The following GPR137B variants were observed in gnomAD, a reference collection of about 807,000 sequenced individuals.
GPR137B encodes G protein-coupled receptor 137B, also known as integral membrane protein GPR137B.
Under a neutral mutation model 42.5 loss-of-function variants are expected in GPR137B, and 42 were observed. The observed-to-expected ratio is 0.99, with a 90% CI of 0.77 to 1.28. The LOEUF (loss-of-function observed/expected upper bound fraction) is 1.28. GPR137B is among the 50% of genes most tolerant of loss of function. The pLI is 0.00. For missense variants in GPR137B, 487 were observed against 493.9 expected, an observed-to-expected ratio of 0.99 and a Z score of 0.13; for synonymous variants, 218 against 209.7, an observed-to-expected ratio of 1.04 and a Z score of -0.34.
chr1:236,146,818 C>T (rs186851409), intron 1 of GPR137B, among the ~76,000 whole-genome samples: 281 of 152,264 alleles, frequency 1.8e-3, no homozygotes, highest in African/African-American at 6.0e-3. Context: ...TAGTCATACT[C>T]GGTAATTATT....
chr1:236,171,740 G>C lies in GPR137B; in HGVS notation c.464+2985G>C, dbSNP rs1662541914. On this transcript the variant is annotated intron_variant, in intron 2 of 6. Coordinates refer to ENST00000366592, the MANE Select transcript of GPR137B (RefSeq NM_003272.4). This position sits in a 1 kb window ranked among gnomAD's most constrained non-coding sequence, Gnocchi z 4.4. The stretch of plus-strand genomic sequence containing the variant: ...ATGGGGAGAAATAAATTTGGATCCA[G>C]ATGTTAAAAGTGAGATGTTTGGGAC... Among the ~76,000 whole-genome samples, 1 of 152,148 alleles carries C rather than the reference G, an allele frequency of 6.6e-6. No individual in the cohort carries two copies. The highest frequency in any genetic ancestry group is 1.5e-5 in the Non-Finnish European group (1 of 68,014).
chr1:236,178,726 G>T, intron 3 of GPR137B, 90 bp downstream of exon 3: 1 of 631,402 alleles, frequency 1.6e-6, no homozygotes, highest in South Asian at 1.7e-5. Flanking sequence ...ATGAATTTTA[G>T]ACTTGATTTT....
chr1:236,160,481 C>T (rs1662155223), intron 1 of GPR137B, among the ~76,000 whole-genome samples: 1 of 152,108 alleles, frequency 6.6e-6, no homozygotes, highest in Non-Finnish European at 1.5e-5. Flanking sequence ...TCTCAGCCCT[C>T]CACCCTTCCC....
chr1:236,202,504 G>A (rs1663521714), intron 5 of GPR137B, among the ~76,000 whole-genome samples: 1 of 152,016 alleles, frequency 6.6e-6, no homozygotes, highest in Admixed American at 6.5e-5. Context: ...TCCTGTGGTG[G>A]TTCCTGGAGC....
At chr1:236,172,074 A>C (rs989597003) in intron 2 of GPR137B, among the ~76,000 whole-genome samples, 1 of 151,622 alleles carries the variant, frequency 6.6e-6, no homozygotes, top group Non-Finnish European at 1.5e-5. Flanking sequence ...TGTTTAGGCC[A>C]GTGAAGTTGG....
In GPR137B at chr1:236,187,471, G is replaced by C. The variant is rs190118082; in HGVS notation, c.966+3565G>C. 1.5e-3 allele frequency among the ~76,000 whole-genome samples: 223 copies of C among 152,112 alleles called. 2 individuals carry two copies. The highest frequency in any genetic ancestry group is 5.2e-3 in the African/African-American group (214 of 41,494). On this transcript the variant is annotated intron_variant, in intron 5 of 6. Coordinates refer to ENST00000366592, the MANE Select transcript of GPR137B (RefSeq NM_003272.4). ...GGATTTTTATGGTTTTAGGTCTTAC[G>C]TTTAAGTCTTTAATCCATCTTGAGT... is the stretch of plus-strand genomic sequence containing the variant.
intron 2 of GPR137B, 79 bp from the exon 3 acceptor site, chr1:236,178,335 A>T: frequency 1.2e-6 from 1 of 816,614 alleles, no homozygotes; most frequent in Non-Finnish European, 2.1e-6. Context: ...TGCTTCTAGC[A>T]GTTCACCAAA....
intron 1 of GPR137B, among the ~76,000 whole-genome samples, chr1:236,160,594 C>A (rs1164027548): frequency 1.3e-5 from 2 of 152,210 alleles, no homozygotes; most frequent in African/African-American, 4.8e-5. Flanking sequence ...GGTCTGGACC[C>A]CCTGAATAAC....
chr1:236,204,539 C>T (rs1299037834), intron 5 of GPR137B, among the ~76,000 whole-genome samples: 1 of 152,060 alleles, frequency 6.6e-6, no homozygotes, highest in Non-Finnish European at 1.5e-5. Flanking sequence ...CTTTTCTTTA[C>T]TGGGAGACTT....
chr1:236,206,181 T>G (rs1399077324), intron 6 of GPR137B, among the ~76,000 whole-genome samples: 2 of 152,202 alleles, frequency 1.3e-5, no homozygotes, highest in Non-Finnish European at 2.9e-5. Flanking sequence ...TTCTAAGAGA[T>G]TCACAAATAT....
intron 1 of GPR137B, among the ~76,000 whole-genome samples, chr1:236,168,047 G>A (rs1571977790): frequency 2.6e-5 from 4 of 152,196 alleles, no homozygotes; most frequent in Non-Finnish European, 5.9e-5. Flanking sequence ...GTACTGCAAA[G>A]TTTGAGGCCT....
intron 1 of GPR137B, among the ~76,000 whole-genome samples, chr1:236,158,271 A>C (rs147056907): frequency 1.3e-5 from 2 of 152,178 alleles, no homozygotes; most frequent in Non-Finnish European, 2.9e-5. Context: ...CTAAAAATAC[A>C]AAGATTTGCC....
At chr1:236,197,141 T>C (rs1316193071) in intron 5 of GPR137B, among the ~76,000 whole-genome samples, 1 of 152,234 alleles carries the variant, frequency 6.6e-6, no homozygotes, top group African/African-American at 2.4e-5. Context: ...GAATTAGTGA[T>C]GTTGAGGATT....
rs1333598846 is a variant in GPR137B at position 236,178,433 on chromosome 1, T to C, written c.484T>C (p.Ser162Pro). ...TTCCAGGTTGCCCCTCTACCTGGCC[T>C]CCCTCTTCATCAGCCTTGTTTTCCT... ...LKYRLPLYLASLFISLVFLLV... is the reference protein window; with the variant it reads ...LKYRLPLYLAPLFISLVFLLV... The change falls in exon 3 of 7, where the codon TCC becomes CCC. Residue 162 changes from serine (S) to proline (P), a missense_variant. Ser to Pro is a moderately conservative substitution (Grantham distance 74). Coordinates refer to ENST00000366592, the MANE Select transcript of GPR137B (RefSeq NM_003272.4). 6.2e-7 allele frequency: 1 copy of C among 1,613,436 alleles called. No homozygotes were observed.
chr1:236,170,119 G>A (rs930569164), intron 2 of GPR137B, among the ~76,000 whole-genome samples: 9 of 151,670 alleles, frequency 5.9e-5, no homozygotes, highest in South Asian at 2.1e-4. Context: ...TGGAAGAGGC[G>A]CGGGGGTGCA....
At chr1:236,192,798 G>T (rs1572002898) in intron 5 of GPR137B, among the ~76,000 whole-genome samples, 1 of 152,058 alleles carries the variant, frequency 6.6e-6, no homozygotes, top group African/African-American at 2.4e-5. Flanking sequence ...CATCTAATAG[G>T]TGATATGTTT....
chr1:236,193,495 G>A (rs1471685339), intron 5 of GPR137B, among the ~76,000 whole-genome samples: 10 of 152,122 alleles, frequency 6.6e-5, no homozygotes, highest in Admixed American at 6.6e-4. Flanking sequence ...CTCACCAGCA[G>A]TGTATGAAGG....
chr1:236,188,817 G>A (rs1301431192), intron 5 of GPR137B, among the ~76,000 whole-genome samples: 3 of 152,144 alleles, frequency 2.0e-5, no homozygotes, highest in African/African-American at 2.4e-5. Flanking sequence ...TTTGGTATTA[G>A]GATGATGCTG....
At position 236,208,242 on chromosome 1, in the gene GPR137B, T is replaced by C. The variant is rs1364921480; in HGVS notation, c.*84T>C. Reference sequence around the variant, plus strand: ...GACAGCTGAATTTTTAGGGCACTTTTCCTTAAGAAATAGAACTTGATTTTT... The same window carrying C: ...GACAGCTGAATTTTTAGGGCACTTTCCCTTAAGAAATAGAACTTGATTTTT... On this transcript the variant is annotated 3_prime_UTR_variant, in exon 7 of 7. Transcript: ENST00000366592. The C allele has an allele frequency of 6.5e-7, 1 of 1,547,020 alleles. No individual in the cohort carries two copies. The highest frequency in any genetic ancestry group is 2.4e-5 in the East Asian group (1 of 42,276).
Sources: gnomAD v4.1 joint callset for allele counts (sites outside exome capture counted in the v4.1 genomes callset) on GRCh38, gnomAD v4.1.1 for gene constraint, Gnocchi (gnomAD v3.1) non-coding constraint, MANE v1.5 for transcripts, NCBI Gene and HGNC (gene_info 2026-07-23, HGNC 2026-07-21) for gene names.